MITF: variants seen among roughly 807,000 people sequenced by gnomAD.
MITF encodes microphthalmia-associated transcription factor.
MITF carries 17 observed loss-of-function variants against 60.5 expected under a neutral mutation model. The ratio of observed to expected loss-of-function variants is 0.28; its 90% CI spans 0.19 to 0.42. MITF has a LOEUF of 0.42. Ranked by LOEUF, MITF falls within the 10% of genes least tolerant of loss-of-function variation. The pLI is 1.00. For missense variants in MITF, 622 were observed against 683.5 expected (o/e 0.91, Z 1.00); for synonymous variants, 260 against 248.5 (o/e 1.05, Z -0.43).
chr3:69,936,604 G>A (rs2065840797), intron 2 of MITF: 2 of 1,552,044 alleles, frequency 1.3e-6, no homozygotes, highest in Non-Finnish European at 8.7e-7. Flanking sequence ...TGGTGTCTCG[G>A]GATACCTTGT....
At chr3:69,823,668 T>C (rs1243330522) in intron 1 of MITF, among the ~76,000 whole-genome samples, 1 of 152,244 alleles carries the variant, frequency 6.6e-6, no homozygotes, top group East Asian at 1.9e-4. Context: ...AGTTATTTTA[T>C]TTATTTTAGT....
intron 5 of MITF, among the ~76,000 whole-genome samples, chr3:69,942,812 G>A (rs2066000225): frequency 6.6e-6 from 1 of 151,916 alleles, no homozygotes; most frequent in Non-Finnish European, 1.5e-5. Flanking sequence ...CATGCCCTGG[G>A]GAATTTATAA....
chr3:69,878,856 A>G (rs2064414590), intron 1 of MITF, among the ~76,000 whole-genome samples: 2 of 151,942 alleles, frequency 1.3e-5, no homozygotes, highest in South Asian at 4.2e-4. Flanking sequence ...GGTGATGAGT[A>G]GTGTGCAGCA....
intron 1 of MITF, among the ~76,000 whole-genome samples, chr3:69,765,162 G>A (rs1201458717): frequency 1.3e-5 from 2 of 152,108 alleles, no homozygotes; most frequent in East Asian, 1.9e-4. Context: ...TGCTTATTTT[G>A]TGTATTTAGA....
At chr3:69,890,644 C>A (rs540411116) in intron 2 of MITF, among the ~76,000 whole-genome samples, 1 of 151,942 alleles carries the variant, frequency 6.6e-6, no homozygotes, top group African/African-American at 2.4e-5. Flanking sequence ...AGTTAACTTG[C>A]GGTATATTTT....
intron 8 of MITF, among the ~76,000 whole-genome samples, chr3:69,957,126 C>A (rs1283146903): frequency 6.6e-6 from 1 of 152,122 alleles, no homozygotes; most frequent in East Asian, 1.9e-4. Context: ...CCACCCTGTC[C>A]CCTTCAGAGA....
chr3:69,925,031 A>G (rs2065554865), intron 2 of MITF, among the ~76,000 whole-genome samples: 1 of 151,944 alleles, frequency 6.6e-6, no homozygotes, highest in African/African-American at 2.4e-5. Flanking sequence ...ATTTTTTTTG[A>G]GATTGTGAGC....
intron 1 of MITF, among the ~76,000 whole-genome samples, chr3:69,854,590 G>T (rs1332621063): frequency 6.6e-6 from 1 of 152,174 alleles, no homozygotes; most frequent in East Asian, 1.9e-4. Context: ...ATGTGTGGAT[G>T]TGGAGCTTAT....
intron 1 of MITF, among the ~76,000 whole-genome samples, chr3:69,877,263 G>C (rs1001922427): frequency 6.6e-6 from 1 of 151,974 alleles, no homozygotes; most frequent in Non-Finnish European, 1.5e-5. Context: ...AAAGAGCTTT[G>C]TAATATCAGT....
In MITF at chr3:69,739,482, A is replaced by C; in HGVS notation, c.-116A>C. On this transcript the variant is annotated 5_prime_UTR_variant, in exon 1 of 10. Coordinates refer to ENST00000352241, the MANE Select transcript of MITF (RefSeq NM_001354604.2). Reference sequence around the variant, plus strand: ...GGCGGCCGCGAGCCGGCGAGCGGGCAGAGCTCGGCACTGCGCCGGGGCGCA... The same window carrying C: ...GGCGGCCGCGAGCCGGCGAGCGGGCCGAGCTCGGCACTGCGCCGGGGCGCA... 1 of 881,944 alleles carries C rather than the reference A, an allele frequency of 1.1e-6. No individual in the cohort carries two copies. 54.6% of individuals were successfully genotyped at this position (881,944 alleles called of 1,614,324 possible).
intron 1 of MITF, chr3:69,866,301 T>TG: frequency 6.2e-7 from 1 of 1,613,754 alleles, no homozygotes; most frequent in Non-Finnish European, 8.5e-7. Context: ...ATGGAGGCGC[T>TG]TAGAGTTCAG....
At chr3:69,770,915 A>G (rs1019699400) in intron 1 of MITF, among the ~76,000 whole-genome samples, 3 of 152,176 alleles carry the variant, frequency 2.0e-5, no homozygotes, top group Admixed American at 1.3e-4. Flanking sequence ...GGGAAATGAA[A>G]TGTTCTAGGT....
chr3:69,891,067 CTTA>C (rs1320818926), intron 2 of MITF, among the ~76,000 whole-genome samples: 2 of 152,154 alleles, frequency 1.3e-5, no homozygotes, highest in Admixed American at 6.5e-5. Context: ...TCAATATTTT[CTTA>C]TTATCTTCCA....
chr3:69,823,247 A>G (rs1212681694), intron 1 of MITF, among the ~76,000 whole-genome samples: 18 of 152,144 alleles, frequency 1.2e-4, no homozygotes. Flanking sequence ...TGCAGCATAT[A>G]GTTGGATTTT....
rs146179413 is a variant in MITF, at chr3:69,965,275, C to T, written c.*27C>T. 1 of 1,605,656 alleles carries T rather than the reference C, an allele frequency of 6.2e-7. No homozygotes were observed. Among genetic ancestry groups the T allele is most frequent in the Admixed American group, 1.7e-5 (1 of 59,914 alleles). ...GAATCCTCCCTGCACTGCATTCGCA[C>T]AAACTGCTTCCTTTCTTGATTCGTA... is the stretch of plus-strand genomic sequence containing the variant. On this transcript the variant is annotated 3_prime_UTR_variant, in exon 10 of 10. Transcript: ENST00000352241.
intron 2 of MITF, among the ~76,000 whole-genome samples, chr3:69,881,496 G>C (rs538706649): frequency 1.1e-3 from 173 of 152,150 alleles, no homozygotes; most frequent in Middle Eastern, 6.8e-3. Context: ...AAGAAAATCA[G>C]ATAACATTTT....
intron 1 of MITF, among the ~76,000 whole-genome samples, chr3:69,770,990 A>G (rs762921673): frequency 6.6e-6 from 1 of 152,228 alleles, no homozygotes; most frequent in Admixed American, 6.5e-5. Flanking sequence ...TTACTTAGAC[A>G]TGACAAAAAT....
intron 1 of MITF, chr3:69,763,439 A>G: frequency 1.5e-5 from 13 of 841,152 alleles, no homozygotes; most frequent in Non-Finnish European, 1.9e-5. Context: ...ATTACCATCT[A>G]GCACCTCCCT....
chr3:69,764,981 A>G (rs1164541806), intron 1 of MITF, among the ~76,000 whole-genome samples: 2 of 152,142 alleles, frequency 1.3e-5, no homozygotes, highest in Non-Finnish European at 2.9e-5. Context: ...TGATGGTTCC[A>G]TGAACCTTTT....
Sources: allele counts gnomAD v4.1 joint callset (sites outside exome capture counted in the v4.1 genomes callset), GRCh38; gene constraint gnomAD v4.1.1; transcripts MANE v1.5; gene names NCBI Gene and HGNC (gene_info 2026-07-23, HGNC 2026-07-21).